DNMT3A: variants seen among roughly 807,000 people sequenced by gnomAD.
The protein encoded by DNMT3A is DNA methyltransferase 3 alpha.
A neutral mutation model predicts 117.6 loss-of-function variants in DNMT3A; 267 were observed. That is an observed-to-expected ratio of 2.27 (90% CI 2.05 to 2.51). The LOEUF is 2.51. Ranked by LOEUF, DNMT3A falls within the 30% of genes most tolerant of loss-of-function variation. The probability of loss-of-function intolerance (pLI) is 0.00; values close to 1 mark genes in which losing one functional copy is unlikely to be tolerated. For synonymous variants in DNMT3A, 432 were observed against 474.8 expected (o/e 0.91, Z 1.17); for missense variants, 1,029 against 1,260.2 (o/e 0.82, Z 2.78).
rs2035263575 is a variant in DNMT3A at position 25,337,636 on chromosome 2, C to CA, written c.-178+4189dup. Among the ~76,000 whole-genome samples, 1 of 152,160 alleles carries CA rather than the reference C, an allele frequency of 6.6e-6. No individual in the cohort carries two copies. The highest frequency in any genetic ancestry group is 1.5e-5 in the Non-Finnish European group (1 of 68,036). Reference sequence around the variant, plus strand: ...TACCCATCCACAGGTGGCGGCACACCACGTACACACACATCATGCACAGAC... The same window carrying CA: ...TACCCATCCACAGGTGGCGGCACACCAACGTACACACACATCATGCACAGAC... On this transcript the variant is annotated intron_variant, in intron 1 of 22. Transcript: ENST00000321117. The surrounding 1 kb of genome is among the most constrained non-coding windows in gnomAD (Gnocchi z 5.0).
At chr2:25,262,204 A>C (rs868160733) in intron 6 of DNMT3A, among the ~76,000 whole-genome samples, 31 of 151,532 alleles carry the variant, frequency 2.0e-4, no homozygotes, top group Middle Eastern at 3.4e-3. Context: ...AAAAAAAAAA[A>C]AAAACCTGTC....
chr2:25,243,614 T>C (rs1254251420), intron 16 of DNMT3A, among the ~76,000 whole-genome samples: 1 of 152,218 alleles, frequency 6.6e-6, no homozygotes, highest in African/African-American at 2.4e-5. Context: ...GAAATCTCTG[T>C]GAATCTGACT....
At chr2:25,324,402 A>T (rs1303163312) in intron 1 of DNMT3A, among the ~76,000 whole-genome samples, 1 of 152,244 alleles carries the variant, frequency 6.6e-6, no homozygotes, top group Non-Finnish European at 1.5e-5. Context: ...CGTGTAACTC[A>T]GAACCCTTCG....
chr2:25,313,419 C>T (rs747956486), intron 2 of DNMT3A, among the ~76,000 whole-genome samples: 2 of 152,210 alleles, frequency 1.3e-5, no homozygotes, highest in Non-Finnish European at 2.9e-5. Flanking sequence ...CTGAGCCCAG[C>T]CTGTGCCTCC....
chr2:25,322,287 G>A (rs2034624861), intron 1 of DNMT3A, among the ~76,000 whole-genome samples: 2 of 152,202 alleles, frequency 1.3e-5, no homozygotes, highest in South Asian at 2.1e-4. Flanking sequence ...TGCAGCCATC[G>A]GTTGCGTTTG....
intron 1 of DNMT3A, among the ~76,000 whole-genome samples, chr2:25,320,113 T>A (rs1221139158): frequency 6.6e-6 from 1 of 152,164 alleles, no homozygotes; most frequent in Non-Finnish European, 1.5e-5. Flanking sequence ...CTGGAAGATG[T>A]GCTCTAATGA....
chr2:25,299,979 G>C (rs2033335393), intron 3 of DNMT3A, among the ~76,000 whole-genome samples, 160 bp downstream of exon 3: 1 of 152,084 alleles, frequency 6.6e-6, no homozygotes, highest in Non-Finnish European at 1.5e-5. Flanking sequence ...TGTGAGGGTG[G>C]GATTTGAAGA....
rs2032992849 is a variant in DNMT3A at position 25,294,809 on chromosome 2, T to G, written c.177+5330A>C. ...AGTTTGCCCTCTTGGACTGGCTCAC[T>G]CCTGCGGTGTTGGAGGGTCAGCCCT... On this transcript the variant is annotated intron_variant, in intron 3 of 22. Transcript: ENST00000321117. The surrounding 1 kb of genome is among the most constrained non-coding windows in gnomAD (Gnocchi z 4.7). Among the ~76,000 whole-genome samples, 1 of 152,170 alleles carries G rather than the reference T, an allele frequency of 6.6e-6. No homozygotes were observed. Among genetic ancestry groups the G allele is most frequent in the South Asian group, 2.1e-4 (1 of 4,830 alleles).
chr2:25,318,517 C>G (rs1322779203), intron 1 of DNMT3A, among the ~76,000 whole-genome samples: 1 of 152,066 alleles, frequency 6.6e-6, no homozygotes, highest in Non-Finnish European at 1.5e-5. Flanking sequence ...AACTCCTGAC[C>G]TCAAGTGATC....
intron 3 of DNMT3A, among the ~76,000 whole-genome samples, chr2:25,285,675 A>C (rs1436266667): frequency 1.3e-5 from 2 of 152,190 alleles, no homozygotes. Flanking sequence ...CAAATCCGGG[A>C]AGGAAAGTGG....
intron 1 of DNMT3A, among the ~76,000 whole-genome samples, chr2:25,323,874 G>A (rs1361808137): frequency 6.6e-6 from 1 of 152,136 alleles, no homozygotes; most frequent in Non-Finnish European, 1.5e-5. Flanking sequence ...TTTTCCAGAT[G>A]AGAATAATGA....
intron 6 of DNMT3A, chr2:25,249,506 A>G (rs771509245): frequency 6.9e-6 from 6 of 872,648 alleles, no homozygotes; most frequent in African/African-American, 5.0e-5. Context: ...GACCCCTTCT[A>G]TGTGCACCCT....
chr2:25,329,249 C>T (rs974699617), intron 1 of DNMT3A, among the ~76,000 whole-genome samples: 4 of 152,192 alleles, frequency 2.6e-5, no homozygotes, highest in Non-Finnish European at 4.4e-5. Flanking sequence ...CAGTCCCTGC[C>T]TCAAACCCTG....
At chr2:25,274,657 A>G (rs984884597) in intron 6 of DNMT3A, among the ~76,000 whole-genome samples, 1 of 152,138 alleles carries the variant, frequency 6.6e-6, no homozygotes, top group African/African-American at 2.4e-5. Flanking sequence ...GCTATCTTCT[A>G]TTTCAGCCCC....
chr2:25,239,181 G>T lies in DNMT3A; in HGVS notation c.2357C>A (p.Ser786Ter), dbSNP rs962973415. Residue 786 changes from serine (S) to a stop codon, truncating the protein, a stop_gained, in exon 20 of 23, where the codon TCA becomes TAA. Transcript: ENST00000321117. LOFTEE classifies it high-confidence loss of function. Reference sequence around the variant, plus strand: ...GAAGTAGCGGGCCCTGTGTGCAGCTGACACTTCTTTGGCATCAATCATCAC... The same window carrying T: ...GAAGTAGCGGGCCCTGTGTGCAGCTTACACTTCTTTGGCATCAATCATCAC... ...NPVMIDAKEV[S>*]AAHRARYFWG... The T allele has an allele frequency of 1.9e-6, 3 of 1,613,980 alleles. No individual in the cohort carries two copies. Among genetic ancestry groups the T allele is most frequent in the African/African-American group, 1.3e-5 (1 of 74,920 alleles).
intron 1 of DNMT3A, 29 bp from the exon 2 acceptor site, chr2:25,314,190 G>GGAT: frequency 7.1e-7 from 1 of 1,412,008 alleles, no homozygotes; most frequent in East Asian, 2.7e-5. Flanking sequence ...GATCAGTGGG[G>GGAT]CGGAGCACCC....
intron 2 of DNMT3A, among the ~76,000 whole-genome samples, chr2:25,310,004 C>G (rs2034018815): frequency 6.6e-6 from 1 of 152,176 alleles, no homozygotes. Flanking sequence ...TGCAGTGAAA[C>G]AAGATCACGC....
At chr2:25,278,042 C>CACACACACACACAG (rs150400657) in intron 4 of DNMT3A, among the ~76,000 whole-genome samples, 8 of 146,396 alleles carry the variant, frequency 5.5e-5, no homozygotes, top group South Asian at 4.4e-4. Flanking sequence ...CACACACAGA[C>CACACACACACACAG]ACACACGCTT....
chr2:25,291,601 G>A (rs2032770980), intron 3 of DNMT3A, among the ~76,000 whole-genome samples: 1 of 152,256 alleles, frequency 6.6e-6, no homozygotes, highest in Admixed American at 6.5e-5. Context: ...AGAGGCCACA[G>A]AGGGCCGACT....
Sources: allele counts gnomAD v4.1 joint callset (sites outside exome capture counted in the v4.1 genomes callset), GRCh38; gene constraint gnomAD v4.1.1; non-coding constraint Gnocchi (gnomAD v3.1); transcripts MANE v1.5; gene names NCBI Gene and HGNC (gene_info 2026-07-23, HGNC 2026-07-21).